C7orf57: variants seen among roughly 807,000 people sequenced by gnomAD.
C7orf57 encodes chromosome 7 open reading frame 57.
Under a neutral mutation model 39.0 loss-of-function variants are expected in C7orf57, and 33 were observed. The observed-to-expected ratio is 0.85, with a 90% confidence interval of 0.64 to 1.13. C7orf57 has a LOEUF of 1.13. Among genes scored for constraint, C7orf57 ranks in the 50% most tolerant of loss-of-function variants. The probability of loss-of-function intolerance (pLI) is 0.00; values close to 1 mark genes in which losing one functional copy is unlikely to be tolerated. For missense variants in C7orf57, 346 were observed against 362.3 expected, an observed-to-expected ratio of 0.95 and a Z score of 0.37; for synonymous variants, 124 against 137.1, an observed-to-expected ratio of 0.90 and a Z score of 0.67.
intron 5 of C7orf57, 66 bp downstream of exon 5, chr7:48,046,682 G>A (rs1790728457): frequency 6.6e-7 from 1 of 1,519,300 alleles, no homozygotes; most frequent in Non-Finnish European, 8.9e-7. Context: ...GAGTAATTAA[G>A]TGCTGTGATG....
At chr7:48,045,867 C>T (rs897474065) in intron 4 of C7orf57, among the ~76,000 whole-genome samples, 6 of 152,064 alleles carry the variant, frequency 3.9e-5, no homozygotes, top group Admixed American at 6.5e-5. Flanking sequence ...TTTAAATACT[C>T]ACATTAAAAA....
intron 3 of C7orf57, among the ~76,000 whole-genome samples, chr7:48,042,282 G>A (rs1479547823): frequency 1.3e-5 from 2 of 152,188 alleles, no homozygotes; most frequent in African/African-American, 4.8e-5. Flanking sequence ...ACAAGACCTA[G>A]ACATTTTTTC....
chr7:48,051,993 A>C (rs1583819244), intron 6 of C7orf57, among the ~76,000 whole-genome samples: 1 of 107,786 alleles, frequency 9.3e-6, no homozygotes, highest in Middle Eastern at 7.7e-3. Context: ...CTTTTTTTTG[A>C]GACAGAGTCT....
chr7:48,050,104 G>A (rs1280626659), intron 6 of C7orf57, 127 bp downstream of exon 6: 2 of 666,824 alleles, frequency 3.0e-6, no homozygotes, highest in African/African-American at 3.6e-5. Context: ...CTGTGGCCTG[G>A]CCTGGCTGTG....
chr7:48,037,238 C>T (rs1368719536), intron 2 of C7orf57, among the ~76,000 whole-genome samples: 1 of 152,170 alleles, frequency 6.6e-6, no homozygotes, highest in Non-Finnish European at 1.5e-5. Context: ...CTTTATGTGA[C>T]TTCTGGGTGC....
chr7:48,036,428 A>G (rs1790365551), intron 2 of C7orf57, 65 bp downstream of exon 2: 1 of 1,422,234 alleles, frequency 7.0e-7, no homozygotes, highest in Admixed American at 2.5e-5. Flanking sequence ...CTTGCTAGAC[A>G]CGCTGTGGAC....
chr7:48,053,010 G>A (rs1340300603), intron 7 of C7orf57, 87 bp downstream of exon 7: 35 of 1,078,400 alleles, frequency 3.2e-5, no homozygotes, highest in South Asian at 9.4e-5. Flanking sequence ...GATGCGTCTC[G>A]TAATGAGAAA....
intron 8 of C7orf57, among the ~76,000 whole-genome samples, chr7:48,059,865 C>T (rs1292287484): frequency 6.6e-6 from 1 of 152,146 alleles, no homozygotes. Context: ...GGCTGACAGA[C>T]AGCCTGAGTT....
chr7:48,053,018 A>G, intron 7 of C7orf57, 95 bp downstream of exon 7: 1 of 1,018,182 alleles, frequency 9.8e-7, no homozygotes, highest in Non-Finnish European at 1.5e-6. Flanking sequence ...TCGTAATGAG[A>G]AATGAGTAAC....
chr7:48,036,450 T>C, intron 2 of C7orf57, 87 bp downstream of exon 2: 1 of 1,283,992 alleles, frequency 7.8e-7, no homozygotes, highest in Non-Finnish European at 1.1e-6. Context: ...CAACGTCCTC[T>C]ATGTGGGCTG....
chr7:48,048,598 C>T (rs1053509700), intron 5 of C7orf57, among the ~76,000 whole-genome samples: 2 of 152,094 alleles, frequency 1.3e-5, no homozygotes, highest in Admixed American at 1.3e-4. Flanking sequence ...TAATAAGAAA[C>T]AATTTAGGTA....
At chr7:48,051,851 CTTTCTTT>C (rs1790942104) in intron 6 of C7orf57, among the ~76,000 whole-genome samples, 1 of 65,592 alleles carries the variant, frequency 1.5e-5, no homozygotes, top group East Asian at 3.1e-4. Context: ...TTCTTTCTTT[CTTTCTTT>C]CTTTCTTTCT....
chr7:48,035,578 A>C lies in C7orf57; in HGVS notation c.-154A>C, dbSNP rs911124461. On this transcript the variant is annotated 5_prime_UTR_variant, in exon 1 of 9. Transcript: ENST00000348904. The surrounding 1 kb of genome is among the most constrained non-coding windows in gnomAD (Gnocchi z 4.0). ...GGCTGCAGCCAGCCAGCCGTGTAAA[A>C]ACTCCAACGCCGGGCGCCGCGGGCA... is the stretch of plus-strand genomic sequence containing the variant. 2.9e-6 allele frequency: 2 copies of C among 697,120 alleles called. No individual in the cohort carries two copies. Among genetic ancestry groups the C allele is most frequent in the Middle Eastern group, 3.2e-4 (1 of 3,170 alleles). The allele number at this position is 697,120 out of a possible 1,614,324, so 43.2% of individuals were successfully genotyped here.
chr7:48,037,749 C>CTCTGTGTG (rs71552473), intron 2 of C7orf57, among the ~76,000 whole-genome samples: 20 of 150,572 alleles, frequency 1.3e-4, no homozygotes, highest in African/African-American at 4.9e-4. Flanking sequence ...CTTTAACCCT[C>CTCTGTGTG]TGTGTGTGTG....
intron 6 of C7orf57, 115 bp downstream of exon 6, chr7:48,050,092 G>A: frequency 1.4e-6 from 1 of 722,174 alleles, no homozygotes. Flanking sequence ...CCGAAGCCCT[G>A]TCTGTGGCCT....
intron 2 of C7orf57, among the ~76,000 whole-genome samples, chr7:48,039,600 G>T (rs973174272): frequency 6.6e-6 from 1 of 152,078 alleles, no homozygotes; most frequent in East Asian, 1.9e-4. Context: ...AAATTCTACC[G>T]TTTTTAATGT....
chr7:48,036,223 A>G lies in C7orf57; in HGVS notation c.-86A>G. On this transcript the variant is annotated 5_prime_UTR_variant, in exon 2 of 9. Coordinates refer to ENST00000348904, the MANE Select transcript of C7orf57 (RefSeq NM_001100159.3). ...GCTTTTGCAGCTGCAGCTCCTGGCA[A>G]CTGGTCAAGCAGGCAGCGTCCAGCG... The G allele has an allele frequency of 7.0e-7, 1 of 1,438,372 alleles. No individual in the cohort carries two copies. Among genetic ancestry groups the G allele is most frequent in the Non-Finnish European group, 9.6e-7 (1 of 1,044,182 alleles). The allele number at this position is 1,438,372 out of a possible 1,614,324, so 89.1% of individuals were successfully genotyped here.
chr7:48,051,389 C>G (rs549091344), intron 6 of C7orf57, among the ~76,000 whole-genome samples: 52 of 125,580 alleles, frequency 4.1e-4, no homozygotes, highest in Non-Finnish European at 7.2e-4. Flanking sequence ...CTCACTCTGT[C>G]CCCCAGGCTG....
intron 5 of C7orf57, among the ~76,000 whole-genome samples, chr7:48,047,992 T>C (rs151246926): frequency 6.6e-6 from 1 of 152,308 alleles, no homozygotes; most frequent in African/African-American, 2.4e-5. Flanking sequence ...TACAGCTCAT[T>C]TCTACAGAAA....
Sources: gnomAD v4.1 joint callset for allele counts (sites outside exome capture counted in the v4.1 genomes callset) on GRCh38, gnomAD v4.1.1 for gene constraint, Gnocchi (gnomAD v3.1) non-coding constraint, MANE v1.5 for transcripts, NCBI Gene and HGNC (gene_info 2026-07-23, HGNC 2026-07-21) for gene names.